Variants in CIT observed in about 807,000 individuals in gnomAD.
CIT encodes the protein citron Rho-interacting kinase.
CIT carries 79 observed loss-of-function variants against 272.7 expected under a neutral mutation model. The observed-to-expected ratio is 0.29, with a 90% confidence interval of 0.24 to 0.35. CIT has a LOEUF of 0.35. Among genes scored for constraint, CIT ranks in the 10% least tolerant of loss-of-function variants. CIT has a pLI of 1.00. For missense variants in CIT, 1,909 were observed against 2,618.3 expected, an observed-to-expected ratio of 0.73 and a Z score of 5.91; for synonymous variants, 948 against 995.6, an observed-to-expected ratio of 0.95 and a Z score of 0.90.
chr12:119,806,618 A>T lies in CIT; in HGVS notation c.1112-3229T>A, dbSNP rs558832784. On this transcript the variant is annotated intron_variant, in intron 9 of 47. Transcript: ENST00000392521. ...CCAGGGCACACAGGATTTTCTCCCCACCCCACCCCCACCCCAACAACCTCC... is the reference window on the plus strand; with the variant it reads ...CCAGGGCACACAGGATTTTCTCCCCTCCCCACCCCCACCCCAACAACCTCC... Among the ~76,000 whole-genome samples the T allele has an allele frequency of 2.0e-4, 20 of 101,334 alleles. No individual in the cohort carries two copies. The South Asian group carries it at 5.7e-3, about 29-fold the overall frequency. 66.5% of individuals were successfully genotyped at this position (101,334 alleles called of 152,430 possible).
At chr12:119,806,161 A>G (rs973413279) in intron 9 of CIT, among the ~76,000 whole-genome samples, 2 of 141,406 alleles carry the variant, frequency 1.4e-5, no homozygotes, top group Admixed American at 1.4e-4. Context: ...AAAAAAAAAA[A>G]GGAAAGAGAA....
chr12:119,804,842 G>A lies in CIT; in HGVS notation c.1112-1453C>T, dbSNP rs1216629828. Among the ~76,000 whole-genome samples, 1 of 152,168 alleles carries A rather than the reference G, an allele frequency of 6.6e-6. No individual in the cohort carries two copies. Among genetic ancestry groups the A allele is most frequent in the Non-Finnish European group, 1.5e-5 (1 of 68,034 alleles). On this transcript the variant is annotated intron_variant, in intron 9 of 47. Coordinates refer to ENST00000392521, the MANE Select transcript of CIT (RefSeq NM_001206999.2). This position sits in a 1 kb window ranked among gnomAD's most constrained non-coding sequence, Gnocchi z 5.3. ...ACATTGAGATGAGGTGGGAGAGTGA[G>A]GAAGATTTAAGATGTAAAATGTGCA...
rs562587119 is a variant in CIT at position 119,784,168 on chromosome 12, G to C, written c.1402-117C>G. On this transcript the variant is annotated intron_variant, in intron 11 of 47. Transcript: ENST00000392521. This position sits in a 1 kb window ranked among gnomAD's most constrained non-coding sequence, Gnocchi z 4.7. ...CTGGGCTAAGGCTAATTCGCCAAAA[G>C]TTAAGTTGGGATGGAAATACCATTG... 1.2e-6 allele frequency: 2 copies of C among 1,610,454 alleles called. No homozygotes were observed. Among genetic ancestry groups the C allele is most frequent in the African/African-American group, 1.3e-5 (1 of 75,000 alleles).
At chr12:119,779,374 A>T (rs1218884653) in intron 13 of CIT, among the ~76,000 whole-genome samples, 1 of 152,176 alleles carries the variant, frequency 6.6e-6, no homozygotes, top group Non-Finnish European at 1.5e-5. Context: ...TAAAAATTAA[A>T]ATTAAAAATT....
chr12:119,757,819 T>C (rs1961215760), intron 21 of CIT, among the ~76,000 whole-genome samples: 1 of 152,166 alleles, frequency 6.6e-6, no homozygotes, highest in African/African-American at 2.4e-5. Context: ...AACATTTCAC[T>C]CCTTTGACAG....
chr12:119,846,130 C>T (rs958923982), intron 5 of CIT, among the ~76,000 whole-genome samples: 2 of 152,148 alleles, frequency 1.3e-5, no homozygotes, highest in Non-Finnish European at 2.9e-5. Flanking sequence ...ACAATGCACT[C>T]CCATCAACAT....
intron 44 of CIT, chr12:119,699,634 C>A (rs1956436584): frequency 2.8e-6 from 1 of 355,202 alleles, no homozygotes; most frequent in Admixed American, 3.7e-5. Flanking sequence ...CCTCCAGCCA[C>A]CAGCCGCAGC....
In CIT at chr12:119,724,523, G is replaced by T. The variant is rs79526603; in HGVS notation, c.3592-3074C>A. Among the ~76,000 whole-genome samples, 819 of 152,296 alleles carry T rather than the reference G, an allele frequency of 5.4e-3. 7 individuals are homozygous for T. Among genetic ancestry groups the T allele is most frequent in the African/African-American group, 0.019 (794 of 41,568 alleles). ...AAGTATTTAGGCCAAGGTTCAACGGGGCCTACCTATGAGGAGCGTTGGGGA... is the reference window on the plus strand; with the variant it reads ...AAGTATTTAGGCCAAGGTTCAACGGTGCCTACCTATGAGGAGCGTTGGGGA... On this transcript the variant is annotated intron_variant, in intron 28 of 47. Transcript: ENST00000392521.
intron 22 of CIT, among the ~76,000 whole-genome samples, chr12:119,755,664 T>C (rs1322282633): frequency 6.6e-6 from 1 of 152,240 alleles, no homozygotes; most frequent in African/African-American, 2.4e-5. Context: ...AGGTCTGTCT[T>C]GTCGCCACTG....
rs1293505332 is a variant in CIT, at chr12:119,792,152, T to G, written c.1296-7087A>C. On this transcript the variant is annotated intron_variant, in intron 10 of 47. Coordinates refer to ENST00000392521, the MANE Select transcript of CIT (RefSeq NM_001206999.2). ...ATCACTACTGCGATGATTAAGTTCG[T>G]GCTTAAGCATCAAGCCATCCATTTA... Among the ~76,000 whole-genome samples the G allele has an allele frequency of 2.0e-5, 3 of 152,340 alleles. No homozygotes were observed. In the East Asian group the frequency reaches 5.8e-4, roughly 29 times the overall value.
At chr12:119,779,803 T>C (rs1964117821) in intron 13 of CIT, among the ~76,000 whole-genome samples, 1 of 152,180 alleles carries the variant, frequency 6.6e-6, no homozygotes, top group African/African-American at 2.4e-5. Flanking sequence ...GCACCCAGTC[T>C]CCTACAAGCA....
intron 40 of CIT, among the ~76,000 whole-genome samples, chr12:119,705,066 C>T (rs1300363546): frequency 1.3e-5 from 2 of 152,138 alleles, no homozygotes; most frequent in African/African-American, 4.8e-5. Flanking sequence ...GTGCGCACCA[C>T]CATGCCTGGC....
intron 46 of CIT, among the ~76,000 whole-genome samples, chr12:119,692,627 G>C (rs993978877): frequency 1.3e-5 from 2 of 152,212 alleles, no homozygotes; most frequent in Non-Finnish European, 1.5e-5. Flanking sequence ...ACCACAACAG[G>C]GTTGAGCAGC....
rs994955351 is a variant in CIT, at chr12:119,784,408, C to G, written c.1402-357G>C. 1.6e-5 allele frequency: 19 copies of G among 1,224,692 alleles called. No homozygotes were observed. Among genetic ancestry groups the G allele is most frequent in the African/African-American group, 4.7e-5 (3 of 63,896 alleles). The allele number at this position is 1,224,692 out of a possible 1,614,324, so 75.9% of individuals were successfully genotyped here. A position where few individuals can be genotyped will look rare whatever the true frequency, so the allele number is the denominator to read the frequency against. On this transcript the variant is annotated intron_variant, in intron 11 of 47. Transcript: ENST00000392521. The surrounding 1 kb of genome is among the most constrained non-coding windows in gnomAD (Gnocchi z 4.7). ...TCCCAAATCCATCTTGATCCCCCCC[C>G]ATCTCCTTGCAAAGATCTAGAGGAC...
intron 10 of CIT, among the ~76,000 whole-genome samples, chr12:119,801,313 C>T (rs1966175959): frequency 6.6e-6 from 1 of 152,138 alleles, no homozygotes; most frequent in East Asian, 1.9e-4. Flanking sequence ...TTATCGAGTG[C>T]CTCAGCCTTA....
intron 20 of CIT, among the ~76,000 whole-genome samples, chr12:119,759,127 CCA>C (rs1378280669): frequency 6.6e-6 from 1 of 152,206 alleles, no homozygotes; most frequent in African/African-American, 2.4e-5. Flanking sequence ...GCTCTAGACT[CCA>C]CAGCAGGGGT....
intron 5 of CIT, among the ~76,000 whole-genome samples, chr12:119,839,785 G>A (rs1028498902): frequency 1.3e-5 from 2 of 152,138 alleles, no homozygotes; most frequent in African/African-American, 4.8e-5. Flanking sequence ...TTCAGGTTAG[G>A]AGAAGAAAAA....
intron 5 of CIT, among the ~76,000 whole-genome samples, chr12:119,845,726 C>A (rs191324217): frequency 2.7e-5 from 4 of 149,102 alleles, no homozygotes; most frequent in Admixed American, 6.7e-5. Flanking sequence ...TCAAGGTGGG[C>A]GGATCACAAG....
intron 6 of CIT, 97 bp downstream of exon 6, chr12:119,833,989 T>C (rs1361882656): frequency 3.1e-6 from 4 of 1,284,260 alleles, no homozygotes; most frequent in South Asian, 1.5e-5. Context: ...GGCGTTATCT[T>C]GATCTTGAAA....
Sources: gnomAD v4.1 joint callset for allele counts (sites outside exome capture counted in the v4.1 genomes callset) on GRCh38, gnomAD v4.1.1 for gene constraint, Gnocchi (gnomAD v3.1) non-coding constraint, MANE v1.5 for transcripts, NCBI Gene and HGNC (gene_info 2026-07-23, HGNC 2026-07-21) for gene names.